Variants in EGFR observed in about 807,000 individuals in gnomAD.
The protein encoded by EGFR is avian erythroblastic leukemia viral (v-erb-b) oncogene homolog.
A neutral mutation model predicts 143.0 loss-of-function variants in EGFR; 58 were observed. The observed-to-expected ratio is 0.41, with a 90% CI of 0.33 to 0.50. The LOEUF is 0.50. Among genes scored for constraint, EGFR ranks in the 20% least tolerant of loss-of-function variants. EGFR has a pLI of 0.39. For missense variants in EGFR, 1,307 were observed against 1,579.0 expected (o/e 0.83, Z 2.92); for synonymous variants, 613 against 594.4 (o/e 1.03, Z -0.45).
At chr7:55,196,178 A>ATT (rs61541412) in intron 22 of EGFR, among the ~76,000 whole-genome samples, 2 of 88,126 alleles carry the variant, frequency 2.3e-5, no homozygotes, top group African/African-American at 4.9e-5. Flanking sequence ...ATGTGTTGGG[A>ATT]TTTTTTTTTT....
intron 1 of EGFR, among the ~76,000 whole-genome samples, chr7:55,099,630 C>T (rs986172579): frequency 2.6e-5 from 4 of 152,160 alleles, no homozygotes; most frequent in African/African-American, 4.8e-5. Context: ...GTCAGAGAGG[C>T]GTCCAGCTGT....
intron 18 of EGFR, 35 bp downstream of exon 18, chr7:55,174,078 G>A (rs368321639): frequency 6.1e-5 from 99 of 1,613,500 alleles, no homozygotes; most frequent in Non-Finnish European, 7.4e-5. Flanking sequence ...GGGCTGGGCC[G>A]CAGGGCCTCT....
chr7:55,154,965 A>G (rs1284317510), intron 7 of EGFR, among the ~76,000 whole-genome samples: 2 of 152,222 alleles, frequency 1.3e-5, no homozygotes, highest in African/African-American at 4.8e-5. Context: ...AATGACAAAC[A>G]AAGCTAAAGA....
At chr7:55,131,562 G>A (rs1444958869) in intron 1 of EGFR, among the ~76,000 whole-genome samples, 5 of 152,156 alleles carry the variant, frequency 3.3e-5, no homozygotes, top group African/African-American at 1.2e-4. Flanking sequence ...CCTTAGGGTC[G>A]GCTTAGAAAC....
At chr7:55,048,867 C>G (rs1788325541) in intron 1 of EGFR, among the ~76,000 whole-genome samples, 1 of 152,166 alleles carries the variant, frequency 6.6e-6, no homozygotes, top group Non-Finnish European at 1.5e-5. Context: ...TTGAATGACT[C>G]TAAGAATTTA....
intron 20 of EGFR, among the ~76,000 whole-genome samples, chr7:55,186,043 C>T (rs1787121902): frequency 6.6e-6 from 1 of 152,170 alleles, no homozygotes; most frequent in Non-Finnish European, 1.5e-5. Flanking sequence ...ATCCCGTCCA[C>T]ACCGGGAGAC....
intron 17 of EGFR, among the ~76,000 whole-genome samples, chr7:55,173,616 A>G (rs1786458557): frequency 1.3e-5 from 2 of 152,256 alleles, no homozygotes; most frequent in Non-Finnish European, 2.9e-5. Flanking sequence ...CGCCATGCAC[A>G]ACTTCCCTAC....
At chr7:55,187,944 C>G (rs1787215768) in intron 20 of EGFR, among the ~76,000 whole-genome samples, 1 of 152,156 alleles carries the variant, frequency 6.6e-6, no homozygotes, top group South Asian at 2.1e-4. Flanking sequence ...TTCTCCCTAG[C>G]TGTGGCCAAG....
At position 55,054,132 on chromosome 7, in the gene EGFR, C is replaced by T. The variant is rs555648571; in HGVS notation, c.88+34767C>T. Among the ~76,000 whole-genome samples the T allele has an allele frequency of 3.3e-5, 5 of 152,278 alleles. No homozygotes were observed. The South Asian group carries it at 1.0e-3, about 32-fold the overall frequency. On this transcript the variant is annotated intron_variant, in intron 1 of 27. Transcript: ENST00000275493. ...AATGGTCTGCCCGTTCTTGTTCACT[C>T]CCTGCCCCAGGCTCCCCACCCGCCT... is the stretch of plus-strand genomic sequence containing the variant.
chr7:55,200,546 A>G, intron 24 of EGFR, 133 bp downstream of exon 24: 5 of 906,482 alleles, frequency 5.5e-6, no homozygotes, highest in Non-Finnish European at 7.1e-6. Context: ...AGCGCATTAG[A>G]GCAAGCCTCA....
chr7:55,028,213 A>T (rs1787048887), intron 1 of EGFR, among the ~76,000 whole-genome samples: 1 of 151,920 alleles, frequency 6.6e-6, no homozygotes, highest in Non-Finnish European at 1.5e-5. Context: ...TTTACTTATG[A>T]TGTCATTACA....
At chr7:55,108,433 C>T (rs1792269087) in intron 1 of EGFR, among the ~76,000 whole-genome samples, 1 of 152,230 alleles carries the variant, frequency 6.6e-6, no homozygotes, top group Non-Finnish European at 1.5e-5. Flanking sequence ...CTGCCATGAG[C>T]ATCCTTGTTC....
intron 1 of EGFR, among the ~76,000 whole-genome samples, chr7:55,046,896 G>A (rs78265168): frequency 0.068 from 10,313 of 152,192 alleles, 945 homozygotes; most frequent in African/African-American, 0.21. Context: ...TTGCAAGTGT[G>A]TCCACATCTA....
intron 1 of EGFR, among the ~76,000 whole-genome samples, chr7:55,056,706 A>G (rs1192554557): frequency 6.6e-6 from 1 of 152,260 alleles, no homozygotes; most frequent in East Asian, 1.9e-4. Context: ...CTTGAAGGCA[A>G]TATTTGTTGA....
chr7:55,052,842 G>A lies in EGFR; in HGVS notation c.88+33477G>A, dbSNP rs77847171. Among the ~76,000 whole-genome samples, 606 of 152,246 alleles carry A rather than the reference G, an allele frequency of 4.0e-3. 7 individuals are homozygous for A. Among genetic ancestry groups the A allele is most frequent in the African/African-American group, 0.013 (552 of 41,540 alleles). ...TGTGACTGAGAAAGGTGAAGGAGCC[G>A]TTCTGAAAAAGAAGAAGGCAGGAGC... is the stretch of plus-strand genomic sequence containing the variant. On this transcript the variant is annotated intron_variant, in intron 1 of 27. Coordinates refer to ENST00000275493, the MANE Select transcript of EGFR (RefSeq NM_005228.5).
At chr7:55,144,045 G>A (rs1219812100) in intron 3 of EGFR, among the ~76,000 whole-genome samples, 1 of 152,206 alleles carries the variant, frequency 6.6e-6, no homozygotes, top group Admixed American at 6.5e-5. Flanking sequence ...AAGGGAAATT[G>A]ATTTTAAAAA....
intron 27 of EGFR, among the ~76,000 whole-genome samples, chr7:55,204,343 T>G (rs779996474): frequency 3.9e-5 from 5 of 129,024 alleles, no homozygotes; most frequent in African/African-American, 1.5e-4. Flanking sequence ...CATACACATA[T>G]GTATGCACAC....
At position 55,026,637 on chromosome 7, in the gene EGFR, CCT is replaced by C. The variant is rs913083092; in HGVS notation, c.88+7279_88+7280del. Among the ~76,000 whole-genome samples, 26 of 152,196 alleles carry C rather than the reference CCT, an allele frequency of 1.7e-4. No individual in the cohort carries two copies. The Middle Eastern group carries it at 9.5e-3, about 56-fold the overall frequency. On this transcript the variant is annotated intron_variant, in intron 1 of 27. Coordinates refer to ENST00000275493, the MANE Select transcript of EGFR (RefSeq NM_005228.5). ...AGGGAAGATGCCAGTCTCGGGATAA[CCT>C]CTCTCTGGCCGGAAAGATGCCTGCC...
At chr7:55,194,858 C>A (rs1379321324) in intron 22 of EGFR, among the ~76,000 whole-genome samples, 1 of 152,264 alleles carries the variant, frequency 6.6e-6, no homozygotes. Flanking sequence ...CCCACTGGAA[C>A]TACCAGACCA....
Sources: allele counts gnomAD v4.1 joint callset (sites outside exome capture counted in the v4.1 genomes callset), GRCh38; gene constraint gnomAD v4.1.1; transcripts MANE v1.5; gene names NCBI Gene and HGNC (gene_info 2026-07-23, HGNC 2026-07-21).